The following MYO1E variants were observed in gnomAD, a reference collection of about 807,000 sequenced individuals.
The protein encoded by MYO1E is unconventional myosin-Ie.
In MYO1E, 68 loss-of-function variants were observed where a neutral mutation model predicts 151.1. The ratio of observed to expected loss-of-function variants is 0.45; its 90% CI spans 0.37 to 0.55. The LOEUF (loss-of-function observed/expected upper bound fraction) is 0.55. MYO1E is among the 20% of genes least tolerant of loss of function. The pLI is 0.00. For missense variants in MYO1E, 1,363 were observed against 1,389.3 expected (o/e 0.98, Z 0.30); for synonymous variants, 601 against 501.7 (o/e 1.20, Z -2.64).
At chr15:59,319,156 CA>C (rs746757723) in intron 1 of MYO1E, among the ~76,000 whole-genome samples, 3 of 151,278 alleles carry the variant, frequency 2.0e-5, no homozygotes, top group African/African-American at 4.9e-5. Context: ...ACCAAAAATA[CA>C]AAAAAAAGCC....
At chr15:59,351,151 G>A (rs1318093514) in intron 1 of MYO1E, among the ~76,000 whole-genome samples, 1 of 152,094 alleles carries the variant, frequency 6.6e-6, no homozygotes, top group Non-Finnish European at 1.5e-5. Flanking sequence ...GGCCCACCTC[G>A]GCCTCCCAAA....
chr15:59,220,499 G>A (rs1250117427), intron 9 of MYO1E, among the ~76,000 whole-genome samples: 2 of 152,078 alleles, frequency 1.3e-5, no homozygotes, highest in African/African-American at 4.8e-5. Context: ...TGTTATTAAT[G>A]GCTATTTTGC....
rs114010964 is a variant in MYO1E at position 59,243,395 on chromosome 15, G to T, written c.333-6723C>A. On this transcript the variant is annotated intron_variant, in intron 4 of 27. Transcript: ENST00000288235. ...TCATGCATGTCAGAGACTGTTATAA[G>T]TGCTTTACATGTGTCAATCACTTGG... Among the ~76,000 whole-genome samples the T allele has an allele frequency of 6.2e-3, 950 of 152,262 alleles. 14 individuals carry two copies. Among genetic ancestry groups the T allele is most frequent in the African/African-American group, 0.022 (897 of 41,540 alleles).
chr15:59,177,906 C>G (rs1247121604), intron 19 of MYO1E, among the ~76,000 whole-genome samples: 1 of 152,246 alleles, frequency 6.6e-6, no homozygotes, highest in African/African-American at 2.4e-5. Flanking sequence ...TCCCACCCGG[C>G]ACTCTGCTGC....
intron 4 of MYO1E, among the ~76,000 whole-genome samples, chr15:59,242,626 A>G (rs1277122956): frequency 1.3e-5 from 2 of 152,224 alleles, no homozygotes; most frequent in African/African-American, 2.4e-5. Context: ...ACAGGTGTCC[A>G]GGAGTCATTA....
intron 1 of MYO1E, among the ~76,000 whole-genome samples, chr15:59,360,971 GA>G (rs1405143128): frequency 1.3e-5 from 2 of 152,354 alleles, no homozygotes; most frequent in East Asian, 3.9e-4. Context: ...AGCCAATGGG[GA>G]TAATAGCAAG....
chr15:59,167,662 T>C (rs942449941), intron 22 of MYO1E, among the ~76,000 whole-genome samples: 3 of 152,110 alleles, frequency 2.0e-5, no homozygotes, highest in Non-Finnish European at 2.9e-5. Flanking sequence ...AGCGTCAGTG[T>C]TTCACTTTAA....
rs1392287885 is a variant in MYO1E, at chr15:59,208,862, G to T, written c.1363-14C>A. On this transcript the variant is annotated splice_polypyrimidine_tract_variant and intron_variant, in intron 13 of 27. Transcript: ENST00000288235. ...GCCAGGAGGGTTCTGATGGGAGCAA[G>T]AAGGCAAGGCCCTAGTCACTGACCT... 2 of 1,613,892 alleles carry T rather than the reference G, an allele frequency of 1.2e-6. No homozygotes were observed. The highest frequency in any genetic ancestry group is 1.7e-6 in the Non-Finnish European group (2 of 1,180,058).
intron 1 of MYO1E, among the ~76,000 whole-genome samples, chr15:59,292,619 G>T (rs1347498980): frequency 1.3e-5 from 2 of 152,196 alleles, no homozygotes; most frequent in African/African-American, 4.8e-5. Flanking sequence ...CCTCTGAAAG[G>T]CCCCATTGTA....
intron 1 of MYO1E, among the ~76,000 whole-genome samples, chr15:59,353,369 A>AAAAG (rs761583307): frequency 1.2e-4 from 12 of 96,884 alleles, no homozygotes; most frequent in African/African-American, 3.8e-4. Context: ...AAAAAAAAAA[A>AAAAG]AAAAGAAAAG....
At chr15:59,231,522 G>A (rs938974635) in intron 6 of MYO1E, among the ~76,000 whole-genome samples, 180 bp downstream of exon 6, 5 of 152,090 alleles carry the variant, frequency 3.3e-5, no homozygotes, top group South Asian at 2.1e-4. Flanking sequence ...TCCCCGGGGC[G>A]CAAAAAAAGG....
intron 4 of MYO1E, among the ~76,000 whole-genome samples, chr15:59,254,632 T>C (rs1332717594): frequency 6.6e-6 from 1 of 152,164 alleles, no homozygotes. Flanking sequence ...CATTCTACTA[T>C]TCTTTCTCAT....
At position 59,272,372 on chromosome 15, in the gene MYO1E, C is replaced by T; in HGVS notation, c.81G>A (p.Leu27=). ...CGATGGAGTTCTCTGTGATCTTGGACAGTAGCACCATGTCGTCCACACCAC... is the reference window on the plus strand; with the variant it reads ...CGATGGAGTTCTCTGTGATCTTGGATAGTAGCACCATGTCGTCCACACCAC... ...KHSGVDDMVL[L]SKITENSIVE... is the part of the protein sequence containing the mutation. The change falls in exon 2 of 28, where the codon CTG becomes CTA. Residue 27 remains leucine (L), a synonymous_variant. Transcript: ENST00000288235. 1 of 1,614,066 alleles carries T rather than the reference C, an allele frequency of 6.2e-7. No homozygotes were observed. The highest frequency in any genetic ancestry group is 8.5e-7 in the Non-Finnish European group (1 of 1,179,908).
rs542095719 is a variant in MYO1E at position 59,319,185 on chromosome 15, C to A, written c.4-46736G>T. On this transcript the variant is annotated intron_variant, in intron 1 of 27. Transcript: ENST00000288235. ...AAAAAGCCTGGCATGGTGACAGGCACCTGTAATCCCAGCTACTTGGGAGGC... is the reference window on the plus strand; with the variant it reads ...AAAAAGCCTGGCATGGTGACAGGCAACTGTAATCCCAGCTACTTGGGAGGC... Among the ~76,000 whole-genome samples, 18 of 152,226 alleles carry A rather than the reference C, an allele frequency of 1.2e-4. No homozygotes were observed. In the South Asian group the frequency reaches 3.3e-3, roughly 28 times the overall value.
intron 4 of MYO1E, among the ~76,000 whole-genome samples, chr15:59,240,394 T>C (rs1596380711): frequency 6.6e-6 from 1 of 150,748 alleles, no homozygotes; most frequent in Non-Finnish European, 1.5e-5. Flanking sequence ...GTGGGGGGGG[T>C]CTGTGTACTA....
intron 1 of MYO1E, among the ~76,000 whole-genome samples, chr15:59,274,463 T>C (rs1030968384): frequency 6.6e-6 from 1 of 152,160 alleles, no homozygotes; most frequent in East Asian, 1.9e-4. Flanking sequence ...TTTCCAGCTT[T>C]CTGGGCACCC....
chr15:59,208,154 T>C (rs2079852946), intron 14 of MYO1E: 4 of 1,317,692 alleles, frequency 3.0e-6, no homozygotes, highest in Non-Finnish European at 4.1e-6. Context: ...TAACGAAATT[T>C]TGAATAAACT....
intron 1 of MYO1E, among the ~76,000 whole-genome samples, chr15:59,310,784 A>G (rs1358417218): frequency 1.3e-5 from 2 of 152,046 alleles, no homozygotes; most frequent in Non-Finnish European, 1.5e-5. Context: ...TCGTGCCCAA[A>G]TTCCTCTGCT....
chr15:59,344,630 G>A (rs2080783823), intron 1 of MYO1E, among the ~76,000 whole-genome samples: 1 of 152,198 alleles, frequency 6.6e-6, no homozygotes, highest in Non-Finnish European at 1.5e-5. Context: ...GATGCTATCA[G>A]GGAACCAGGG....
Sources: allele counts gnomAD v4.1 joint callset (sites outside exome capture counted in the v4.1 genomes callset), GRCh38; gene constraint gnomAD v4.1.1; transcripts MANE v1.5; gene names NCBI Gene and HGNC (gene_info 2026-07-23, HGNC 2026-07-21).